The following PSD3 variants were observed in gnomAD, a reference collection of about 807,000 sequenced individuals.
PSD3 encodes the protein PH and SEC7 domain-containing protein 3.
A neutral mutation model predicts 105.5 loss-of-function variants in PSD3; 49 were observed. The ratio of observed to expected loss-of-function variants is 0.46; its 90% confidence interval spans 0.37 to 0.59. PSD3 has a LOEUF of 0.59. Ranked by LOEUF, PSD3 falls within the 20% of genes least tolerant of loss-of-function variation. PSD3 has a pLI of 0.00. For synonymous variants in PSD3, 557 were observed against 457.8 expected (o/e 1.22, Z -2.77); for missense variants, 1,561 against 1,263.8 (o/e 1.24, Z -3.57).
intron 4 of PSD3, among the ~76,000 whole-genome samples, chr8:18,816,635 T>A (rs907191050): frequency 2.0e-5 from 3 of 152,228 alleles, no homozygotes; most frequent in African/African-American, 4.8e-5. Flanking sequence ...GCCAGCACAT[T>A]TCTAAGTGCT....
At chr8:19,028,143 G>A (rs1031893159) in intron 1 of PSD3, among the ~76,000 whole-genome samples, 3 of 151,950 alleles carry the variant, frequency 2.0e-5, no homozygotes, top group South Asian at 2.1e-4. Flanking sequence ...AGCTTTCTGA[G>A]CATTTCATTG....
intron 8 of PSD3, among the ~76,000 whole-genome samples, chr8:18,783,485 T>C (rs188695728): frequency 7.9e-4 from 120 of 152,326 alleles, no homozygotes; most frequent in Middle Eastern, 3.4e-3. Flanking sequence ...TTCTTTCCCT[T>C]CTTTGGACTG....
intron 9 of PSD3, among the ~76,000 whole-genome samples, chr8:18,725,622 C>T (rs960189595): frequency 5.3e-5 from 8 of 152,084 alleles, no homozygotes; most frequent in Non-Finnish European, 1.0e-4. Context: ...AAAGGACAGC[C>T]AGGGACAGGA....
At chr8:18,619,643 C>CAA (rs201102600) in intron 11 of PSD3, among the ~76,000 whole-genome samples, 3 of 115,606 alleles carry the variant, frequency 2.6e-5, no homozygotes, top group East Asian at 2.4e-4. Flanking sequence ...AACCTCATCT[C>CAA]AAAAAAAAAA....
At chr8:18,727,179 T>C (rs772533667) in intron 9 of PSD3, among the ~76,000 whole-genome samples, 16 of 151,610 alleles carry the variant, frequency 1.1e-4, no homozygotes, top group South Asian at 2.1e-4. Context: ...CTACTAAAAA[T>C]ACAAAAAACT....
chr8:18,875,168 C>T (rs967973584), intron 2 of PSD3, among the ~76,000 whole-genome samples: 6 of 152,162 alleles, frequency 3.9e-5, no homozygotes, highest in African/African-American at 1.4e-4. Context: ...ATCCTCTCGC[C>T]TTGACCTTGG....
chr8:18,860,244 G>T (rs1327628042), intron 4 of PSD3, among the ~76,000 whole-genome samples: 1 of 152,104 alleles, frequency 6.6e-6, no homozygotes, highest in Non-Finnish European at 1.5e-5. Flanking sequence ...CGTTATATGG[G>T]CATGGTTTAT....
intron 8 of PSD3, among the ~76,000 whole-genome samples, chr8:18,767,771 T>C (rs1040141218): frequency 2.0e-5 from 3 of 151,338 alleles, no homozygotes; most frequent in African/African-American, 7.3e-5. Context: ...AAATAAAAAA[T>C]AAAAAAACCA....
intron 1 of PSD3, among the ~76,000 whole-genome samples, chr8:19,058,918 T>C (rs959198677): frequency 6.6e-6 from 1 of 152,168 alleles, no homozygotes; most frequent in Non-Finnish European, 1.5e-5. Context: ...GTGAGGTTAA[T>C]TGAAGGATGG....
intron 1 of PSD3, among the ~76,000 whole-genome samples, chr8:19,025,740 G>A (rs1827526809): frequency 6.6e-6 from 1 of 152,210 alleles, no homozygotes; most frequent in Non-Finnish European, 1.5e-5. Context: ...ATTCCAGGTA[G>A]ATCATGTCAT....
In PSD3 at chr8:18,575,208, G is replaced by C. The variant is rs918248591; in HGVS notation, c.2559C>G (p.Ser853=). 6.2e-7 allele frequency: 1 copy of C among 1,613,954 alleles called. No homozygotes were observed. The highest frequency in any genetic ancestry group is 1.7e-5 in the Admixed American group (1 of 60,008). Residue 853 remains serine, a synonymous_variant, in exon 13 of 16, where the codon TCC becomes TCG. Coordinates refer to ENST00000327040, the MANE Select transcript of PSD3 (RefSeq NM_015310.4). ...NAVSVHHALA[S]KATDYEKKPN... ...GTTTCTTCTCATAGTCCGTGGCCTT[G>C]GATGCCAATGCGTGGTGCACACTCA...
chr8:18,742,371 G>A (rs544861727), intron 9 of PSD3, among the ~76,000 whole-genome samples: 2 of 152,124 alleles, frequency 1.3e-5, no homozygotes, highest in Non-Finnish European at 2.9e-5. Flanking sequence ...AATTAGAATG[G>A]TCAGGCTGAG....
chr8:18,601,914 TG>T (rs908688790), intron 11 of PSD3, among the ~76,000 whole-genome samples: 2 of 152,104 alleles, frequency 1.3e-5, no homozygotes, highest in African/African-American at 2.4e-5. Flanking sequence ...GCACCTGACT[TG>T]AAAGCAGACC....
rs559663685 is a variant in PSD3 at position 18,669,551 on chromosome 8, G to A, written c.2173-13866C>T. 3.3e-5 allele frequency among the ~76,000 whole-genome samples: 5 copies of A among 152,346 alleles called. No homozygotes were observed. In the East Asian group the frequency reaches 5.8e-4, roughly 18 times the overall value. On this transcript the variant is annotated intron_variant, in intron 9 of 15. Transcript: ENST00000327040. ...TTGATAACCAACTTAGCTAGTAAGT[G>A]ACTGAGGGCAGGGAGCATCCACAGT...
At chr8:18,623,164 C>T (rs189127961) in intron 11 of PSD3, among the ~76,000 whole-genome samples, 190 of 152,118 alleles carry the variant, frequency 1.2e-3, no homozygotes, top group African/African-American at 4.3e-3. Flanking sequence ...GGATTACAGG[C>T]GTGAGCCACT....
At chr8:19,052,605 T>C (rs1373731495) in intron 1 of PSD3, among the ~76,000 whole-genome samples, 2 of 152,296 alleles carry the variant, frequency 1.3e-5, no homozygotes, top group Non-Finnish European at 1.5e-5. Flanking sequence ...TTACCTAAAC[T>C]CAGATCTTGA....
chr8:18,589,126 T>TGGGC (rs2130477798), intron 12 of PSD3, among the ~76,000 whole-genome samples: 1 of 152,140 alleles, frequency 6.6e-6, no homozygotes, highest in East Asian at 1.9e-4. Context: ...AGGACCAGTG[T>TGGGC]GGGCCCAGCA....
intron 1 of PSD3, among the ~76,000 whole-genome samples, chr8:19,070,824 GC>G (rs1829230847): frequency 6.6e-6 from 1 of 152,166 alleles, no homozygotes; most frequent in Admixed American, 6.5e-5. Context: ...CACTAACCAA[GC>G]AAAGTTGAAT....
intron 9 of PSD3, among the ~76,000 whole-genome samples, chr8:18,718,266 A>G (rs745755438): frequency 1.1e-4 from 16 of 152,212 alleles, no homozygotes; most frequent in Non-Finnish European, 2.2e-4. Flanking sequence ...ATCTACATTC[A>G]TCTAGAATCA....
Sources: allele counts gnomAD v4.1 joint callset (sites outside exome capture counted in the v4.1 genomes callset), GRCh38; gene constraint gnomAD v4.1.1; transcripts MANE v1.5; gene names NCBI Gene and HGNC (gene_info 2026-07-23, HGNC 2026-07-21).